The following SH3RF1 variants were observed in gnomAD, a reference collection of about 807,000 sequenced individuals.
The protein encoded by SH3RF1 is E3 ubiquitin-protein ligase SH3RF1.
Under a neutral mutation model 74.0 loss-of-function variants are expected in SH3RF1, and 32 were observed. The observed-to-expected ratio is 0.43, with a 90% CI of 0.33 to 0.58. The LOEUF is 0.58. Among genes scored for constraint, SH3RF1 ranks in the 20% least tolerant of loss-of-function variants. The pLI, the probability that SH3RF1 is intolerant of heterozygous loss-of-function variation, is 0.05. For missense variants in SH3RF1, 954 were observed against 1,130.9 expected (o/e 0.84, Z 2.24); for synonymous variants, 396 against 439.6 (o/e 0.90, Z 1.24).
chr4:169,256,186 TA>T (rs1731191431), intron 2 of SH3RF1, among the ~76,000 whole-genome samples: 1 of 152,116 alleles, frequency 6.6e-6, no homozygotes, highest in Admixed American at 6.6e-5. Flanking sequence ...TGAATTTTTT[TA>T]AAATTACTTG....
At chr4:169,161,819 T>C (rs1473640370) in intron 2 of SH3RF1, among the ~76,000 whole-genome samples, 3 of 152,166 alleles carry the variant, frequency 2.0e-5, no homozygotes, top group Admixed American at 2.0e-4. Context: ...CACAAAGAAA[T>C]CATAGTAATA....
chr4:169,191,109 C>T (rs1023930179), intron 2 of SH3RF1, among the ~76,000 whole-genome samples: 2 of 151,996 alleles, frequency 1.3e-5, no homozygotes, highest in Non-Finnish European at 2.9e-5. Context: ...AACCCACAGC[C>T]AACATAATAC....
chr4:169,103,263 A>C (rs533044976), intron 11 of SH3RF1, among the ~76,000 whole-genome samples: 192 of 151,944 alleles, frequency 1.3e-3, no homozygotes, highest in Non-Finnish European at 2.4e-4. Flanking sequence ...TGTATGAGAT[A>C]GGGTCATGGT....
chr4:169,257,291 T>C (rs527710054), intron 2 of SH3RF1, among the ~76,000 whole-genome samples: 7 of 152,348 alleles, frequency 4.6e-5, no homozygotes, highest in Non-Finnish European at 7.3e-5. Context: ...TTCTGTACTC[T>C]CTGGCATCTC....
At chr4:169,136,245 T>G in intron 5 of SH3RF1, 73 bp downstream of exon 5, 1 of 1,313,356 alleles carries the variant, frequency 7.6e-7, no homozygotes, top group Non-Finnish European at 9.9e-7. Context: ...TGTCAGCCAG[T>G]GAGCAAACAT....
rs1732887683 is a variant in SH3RF1, at chr4:169,094,879, G to T, written c.*1640C>A. The stretch of plus-strand genomic sequence containing the variant: ...CCTCTTGTCATTGCAAGACTTTTCA[G>T]TTCATGTTTCTATTTCCCAGTTTTA... On this transcript the variant is annotated 3_prime_UTR_variant, in exon 12 of 12. Coordinates refer to ENST00000284637, the MANE Select transcript of SH3RF1 (RefSeq NM_020870.4). 6.7e-6 allele frequency: 1 copy of T among 149,552 alleles called. No individual in the cohort carries two copies. The highest frequency in any genetic ancestry group is 1.5e-5 in the Non-Finnish European group (1 of 67,546). 9.3% of individuals were successfully genotyped at this position (149,552 alleles called of 1,614,324 possible).
intron 2 of SH3RF1, among the ~76,000 whole-genome samples, chr4:169,261,441 G>C (rs540224690): frequency 3.9e-4 from 60 of 152,270 alleles, no homozygotes; most frequent in African/African-American, 1.3e-3. Context: ...TGTCACTTAA[G>C]TCAACTGCAG....
At chr4:169,255,851 T>TCGA (rs889275538) in intron 2 of SH3RF1, among the ~76,000 whole-genome samples, 57 of 152,060 alleles carry the variant, frequency 3.7e-4, no homozygotes, top group African/African-American at 1.3e-3. Context: ...CACTGCAGCC[T>TCGA]CGACCTCCTG....
intron 2 of SH3RF1, among the ~76,000 whole-genome samples, chr4:169,225,542 T>C (rs1730643527): frequency 6.6e-6 from 1 of 152,134 alleles, no homozygotes; most frequent in Non-Finnish European, 1.5e-5. Flanking sequence ...TAAAGGAGGG[T>C]AAACTGGGTA....
intron 4 of SH3RF1, among the ~76,000 whole-genome samples, chr4:169,152,379 C>G (rs1479548310): frequency 6.6e-6 from 1 of 152,174 alleles, no homozygotes; most frequent in African/African-American, 2.4e-5. Context: ...CAACCAGACT[C>G]TCCTCCATTC....
chr4:169,130,426 C>T (rs1048359728), intron 5 of SH3RF1, among the ~76,000 whole-genome samples: 8 of 152,076 alleles, frequency 5.3e-5, no homozygotes, highest in Non-Finnish European at 1.0e-4. Flanking sequence ...TTGGCTTTCA[C>T]GGTAACACAT....
At chr4:169,249,989 GA>G (rs1025143198) in intron 2 of SH3RF1, among the ~76,000 whole-genome samples, 3 of 152,112 alleles carry the variant, frequency 2.0e-5, no homozygotes, top group African/African-American at 7.2e-5. Context: ...AGTCTGATTT[GA>G]ATCCACACTA....
At chr4:169,253,524 C>G (rs1731137270) in intron 2 of SH3RF1, among the ~76,000 whole-genome samples, 2 of 152,260 alleles carry the variant, frequency 1.3e-5, no homozygotes, top group South Asian at 4.1e-4. Context: ...ATTCTAACTG[C>G]CCTTTTCTTC....
rs371510086 is a variant in SH3RF1, at chr4:169,147,281, G to A, written c.765+8199C>T. Among the ~76,000 whole-genome samples the A allele has an allele frequency of 1.4e-4, 22 of 152,188 alleles. No homozygotes were observed. The East Asian group carries it at 2.5e-3, about 17-fold the overall frequency. ...TCTACAACCTGATTACCAGATGTAG[G>A]GATACTATAAAAGAAATATACATGT... On this transcript the variant is annotated intron_variant, in intron 4 of 11. Transcript: ENST00000284637.
intron 2 of SH3RF1, among the ~76,000 whole-genome samples, chr4:169,237,296 A>G (rs1469079522): frequency 2.0e-5 from 3 of 152,166 alleles, no homozygotes; most frequent in Non-Finnish European, 4.4e-5. Context: ...AAAAGCATTA[A>G]TTTTCCAAAG....
chr4:169,248,195 T>G (rs1731040561), intron 2 of SH3RF1, among the ~76,000 whole-genome samples: 1 of 152,170 alleles, frequency 6.6e-6, no homozygotes, highest in Admixed American at 6.5e-5. Context: ...ACACGTATGT[T>G]TACTGCAGCA....
intron 2 of SH3RF1, among the ~76,000 whole-genome samples, chr4:169,174,279 C>T (rs546660119): frequency 2.0e-5 from 3 of 152,260 alleles, no homozygotes; most frequent in Admixed American, 2.0e-4. Context: ...CTAGGCTGCT[C>T]TCAAATTCTT....
At chr4:169,227,848 GGACACGAGAACA>G (rs1730675685) in intron 2 of SH3RF1, among the ~76,000 whole-genome samples, 3 of 152,102 alleles carry the variant, frequency 2.0e-5, no homozygotes, top group Admixed American at 6.6e-5. Context: ...TACCATCCCT[GGACACGAGAACA>G]GAGTTTATTG....
intron 2 of SH3RF1, among the ~76,000 whole-genome samples, chr4:169,261,746 T>G (rs13130049): frequency 0.077 from 11,695 of 152,210 alleles, 571 homozygotes; most frequent in South Asian, 0.21. Context: ...ATTCAATTTT[T>G]TGTCTGAAAG....
Sources: allele counts gnomAD v4.1 joint callset (sites outside exome capture counted in the v4.1 genomes callset), GRCh38; gene constraint gnomAD v4.1.1; transcripts MANE v1.5; gene names NCBI Gene and HGNC (gene_info 2026-07-23, HGNC 2026-07-21).